Variants in ATG5 observed in about 807,000 individuals in gnomAD.
ATG5 encodes the protein autophagy protein 5.
ATG5 carries 14 observed loss-of-function variants against 36.5 expected under a neutral mutation model. That is an observed-to-expected ratio of 0.38 (90% CI 0.25 to 0.60). ATG5 has a LOEUF of 0.60. Among genes scored for constraint, ATG5 ranks in the 20% least tolerant of loss-of-function variants. ATG5 has a pLI of 0.60. For missense variants in ATG5, 195 were observed against 326.7 expected (o/e 0.60, Z 3.11); for synonymous variants, 95 against 101.5 (o/e 0.94, Z 0.38).
chr6:106,253,860 T>G (rs546773335), intron 5 of ATG5, among the ~76,000 whole-genome samples: 5 of 152,292 alleles, frequency 3.3e-5, no homozygotes, highest in Admixed American at 2.6e-4. Flanking sequence ...CCTTACTGCC[T>G]GCATCTGGGG....
intron 6 of ATG5, among the ~76,000 whole-genome samples, chr6:106,226,325 G>C (rs542852473): frequency 2.0e-5 from 3 of 152,258 alleles, no homozygotes; most frequent in East Asian, 1.9e-4. Flanking sequence ...CTTGGGAAAG[G>C]GGGGAAGCAT....
At chr6:106,294,627 A>G (rs899852113) in intron 3 of ATG5, among the ~76,000 whole-genome samples, 9 of 151,444 alleles carry the variant, frequency 5.9e-5, no homozygotes, top group African/African-American at 2.2e-4. Context: ...GTTCGAGACC[A>G]GTTCCAGTAC....
intron 7 of ATG5, among the ~76,000 whole-genome samples, chr6:106,199,110 C>T (rs914320286): frequency 6.6e-6 from 1 of 152,218 alleles, no homozygotes; most frequent in African/African-American, 2.4e-5. Context: ...AATCCTTATA[C>T]ACCGCTGGTG....
chr6:106,198,119 G>A (rs1300996406), intron 7 of ATG5, among the ~76,000 whole-genome samples: 1 of 152,000 alleles, frequency 6.6e-6, no homozygotes, highest in African/African-American at 2.4e-5. Flanking sequence ...CAGAGAAAAT[G>A]AACTAAAAAA....
intron 6 of ATG5, among the ~76,000 whole-genome samples, chr6:106,230,558 C>A (rs965911027): frequency 9.9e-5 from 15 of 152,124 alleles, no homozygotes; most frequent in African/African-American, 3.6e-4. Context: ...TGGTTACACA[C>A]CCCGGAAAGG....
intron 2 of ATG5, among the ~76,000 whole-genome samples, chr6:106,313,299 G>A (rs568623169): frequency 7.4e-4 from 112 of 152,342 alleles, no homozygotes; most frequent in African/African-American, 2.6e-3. Context: ...CTTCATGAAA[G>A]AGGAAGTGAG....
intron 3 of ATG5, among the ~76,000 whole-genome samples, chr6:106,298,086 T>A (rs1770044708): frequency 1.3e-5 from 2 of 151,020 alleles, no homozygotes; most frequent in African/African-American, 4.9e-5. Context: ...TGCCTCAGCC[T>A]CCCGAGTAGC....
At chr6:106,288,615 C>T (rs901706829) in intron 4 of ATG5, among the ~76,000 whole-genome samples, 1 of 152,180 alleles carries the variant, frequency 6.6e-6, no homozygotes, top group African/African-American at 2.4e-5. Context: ...TGTTCTCTAA[C>T]TCTTGTTAAT....
At chr6:106,201,833 C>T (rs1776442407) in intron 7 of ATG5, 139 bp downstream of exon 7, 2 of 529,600 alleles carry the variant, frequency 3.8e-6, no homozygotes, top group African/African-American at 1.9e-5. Flanking sequence ...ATATTAGGTG[C>T]TTCTGTTTGA....
chr6:106,277,804 A>G (rs1394785939), intron 5 of ATG5, among the ~76,000 whole-genome samples: 2 of 152,244 alleles, frequency 1.3e-5, no homozygotes, highest in Non-Finnish European at 2.9e-5. Context: ...ACAGAGTGAA[A>G]CTTCGTCTCA....
intron 6 of ATG5, among the ~76,000 whole-genome samples, chr6:106,213,627 A>C (rs186914784): frequency 9.9e-5 from 15 of 152,268 alleles, no homozygotes; most frequent in African/African-American, 3.4e-4. Context: ...GGATAAGGAG[A>C]GAAAAGTGGA....
chr6:106,226,001 A>G (rs1476846999), intron 6 of ATG5, among the ~76,000 whole-genome samples: 1 of 152,256 alleles, frequency 6.6e-6, no homozygotes, highest in Non-Finnish European at 1.5e-5. Context: ...GTACACGCTC[A>G]AAAAACATCT....
At chr6:106,234,817 T>C (rs1777829667) in intron 6 of ATG5, among the ~76,000 whole-genome samples, 1 of 152,156 alleles carries the variant, frequency 6.6e-6, no homozygotes, top group Non-Finnish European at 1.5e-5. Context: ...CTACAAACTA[T>C]CTCAAGAACT....
chr6:106,268,505 A>G (rs186998988), intron 5 of ATG5, among the ~76,000 whole-genome samples: 25 of 152,296 alleles, frequency 1.6e-4, no homozygotes, highest in Admixed American at 5.9e-4. Context: ...ATACCATTTG[A>G]CCCAGCAATC....
At chr6:106,323,246 T>A (rs542563566) in intron 1 of ATG5, among the ~76,000 whole-genome samples, 1 of 146,458 alleles carries the variant, frequency 6.8e-6, no homozygotes, top group Admixed American at 6.8e-5. Context: ...TCCGTTTCGC[T>A]AAGTGGAAAA....
Position 106,325,701 on chromosome 6 carries a change from G to C in ATG5, c.-234C>G, listed in dbSNP as rs997087211. 1 of 152,858 alleles carries C rather than the reference G, an allele frequency of 6.5e-6. No homozygotes were observed. Among genetic ancestry groups the C allele is most frequent in the African/African-American group, 2.4e-5 (1 of 41,460 alleles). 9.5% of individuals were successfully genotyped at this position (152,858 alleles called of 1,614,324 possible). A position where few individuals can be genotyped will look rare whatever the true frequency, so the allele number is the denominator to read the frequency against. ...CGCAAAAAGCACCGGCGCGGAGGTC[G>C]GAGCTGAACCCTGCTGCACTTCCGC... is the stretch of plus-strand genomic sequence containing the variant. On this transcript the variant is annotated 5_prime_UTR_variant, in exon 1 of 8. Transcript: ENST00000369076.
At chr6:106,198,918 G>A (rs901770041) in intron 7 of ATG5, among the ~76,000 whole-genome samples, 1 of 151,780 alleles carries the variant, frequency 6.6e-6, no homozygotes, top group Non-Finnish European at 1.5e-5. Flanking sequence ...TGAGTAATAA[G>A]GAAACAATCC....
intron 2 of ATG5, among the ~76,000 whole-genome samples, chr6:106,313,859 C>T (rs545516976): frequency 5.9e-5 from 9 of 152,256 alleles, no homozygotes; most frequent in South Asian, 2.1e-4. Context: ...CTTCCTTGTA[C>T]GTATTAACTT....
chr6:106,251,648 G>GGAGAGGGAGGGGGAGA (rs1778582554), intron 5 of ATG5, among the ~76,000 whole-genome samples: 1 of 252 alleles, frequency 4.0e-3, no homozygotes, highest in Non-Finnish European at 7.6e-3. Context: ...AGAGAGAGAG[G>GGAGAGGGAGGGGGAGA]GAGGGAGGGA....
Sources: allele counts gnomAD v4.1 joint callset (sites outside exome capture counted in the v4.1 genomes callset), GRCh38; gene constraint gnomAD v4.1.1; transcripts MANE v1.5; gene names NCBI Gene and HGNC (gene_info 2026-07-23, HGNC 2026-07-21).